Variants in NEK10 observed in about 807,000 individuals in gnomAD.
NEK10 encodes serine/threonine-protein kinase Nek10.
In NEK10, 122 loss-of-function variants were observed where a neutral mutation model predicts 159.8. That is an observed-to-expected ratio of 0.76 (90% confidence interval 0.66 to 0.89). NEK10 has a LOEUF of 0.89. Among genes scored for constraint, NEK10 ranks in the 40% least tolerant of loss-of-function variants. NEK10 has a pLI of 0.00. For missense variants in NEK10, 1,342 were observed against 1,323.1 expected (o/e 1.01, Z -0.22); for synonymous variants, 466 against 457.1 (o/e 1.02, Z -0.25).
At chr3:27,214,907 A>G in intron 23 of NEK10, 1 of 1,117,146 alleles carries the variant, frequency 9.0e-7, no homozygotes, top group East Asian at 2.4e-5. Flanking sequence ...TAATGGCCAC[A>G]TTCTTCTTTT....
At chr3:27,345,970 C>T (rs925238204) in intron 4 of NEK10, 116 bp downstream of exon 4, 21 of 392,648 alleles carry the variant, frequency 5.3e-5, no homozygotes, top group African/African-American at 2.0e-4. Flanking sequence ...AATTAAGAAT[C>T]GCTATGGTAA....
chr3:27,128,584 T>G (rs1280503292), intron 32 of NEK10, among the ~76,000 whole-genome samples: 1 of 152,180 alleles, frequency 6.6e-6, no homozygotes, highest in Non-Finnish European at 1.5e-5. Flanking sequence ...TAAACAATTT[T>G]CAATATAATA....
chr3:27,234,263 G>A (rs1382893978), intron 23 of NEK10, among the ~76,000 whole-genome samples: 1 of 148,796 alleles, frequency 6.7e-6, no homozygotes, highest in Non-Finnish European at 1.5e-5. Flanking sequence ...ATTCTGGCCA[G>A]GACAATCAAG....
At chr3:27,221,014 A>G (rs985121601) in intron 23 of NEK10, among the ~76,000 whole-genome samples, 4 of 152,226 alleles carry the variant, frequency 2.6e-5, no homozygotes, top group Non-Finnish European at 5.9e-5. Context: ...ATATGCAAAA[A>G]TTAATGCTAA....
At chr3:27,157,836 T>A (rs1018135639) in intron 30 of NEK10, among the ~76,000 whole-genome samples, 2 of 152,150 alleles carry the variant, frequency 1.3e-5, no homozygotes, top group Non-Finnish European at 2.9e-5. Flanking sequence ...CCCCAATCTT[T>A]AGCAACCACC....
chr3:27,210,789 G>A (rs1238222461), intron 23 of NEK10, among the ~76,000 whole-genome samples: 2 of 152,156 alleles, frequency 1.3e-5, no homozygotes, highest in East Asian at 3.9e-4. Context: ...TGAGGAAGGA[G>A]GAAGTTATCT....
chr3:27,277,394 G>A (rs958891740), intron 22 of NEK10, among the ~76,000 whole-genome samples: 1 of 152,094 alleles, frequency 6.6e-6, no homozygotes, highest in Admixed American at 6.6e-5. Flanking sequence ...CCTAAACTGA[G>A]TATCTGGGTC....
At chr3:27,126,162 C>T (rs1336138899) in intron 32 of NEK10, among the ~76,000 whole-genome samples, 1 of 152,072 alleles carries the variant, frequency 6.6e-6, no homozygotes, top group Non-Finnish European at 1.5e-5. Flanking sequence ...GAGCTGAAAA[C>T]CTGGAGTTAG....
intron 22 of NEK10, among the ~76,000 whole-genome samples, chr3:27,281,578 A>C (rs963898040): frequency 1.3e-5 from 2 of 152,152 alleles, no homozygotes; most frequent in African/African-American, 4.8e-5. Context: ...ATACCAGTCC[A>C]ATAAGAGGGT....
intron 23 of NEK10, among the ~76,000 whole-genome samples, chr3:27,212,166 A>C (rs1334367312): frequency 1.3e-5 from 2 of 152,260 alleles, no homozygotes; most frequent in African/African-American, 4.8e-5. Context: ...TGTTCTATCA[A>C]AACAAATTCA....
rs545805234 is a variant in NEK10 at position 27,289,395 on chromosome 3, T to C, written c.1743+1222A>G. On this transcript the variant is annotated intron_variant, in intron 19 of 35. Coordinates refer to ENST00000691995, the MANE Select transcript of NEK10 (RefSeq NM_001394966.1). The stretch of plus-strand genomic sequence containing the variant: ...CTCCTCCTTTAAGGACTCAATGTTA[T>C]CATCCTTTCCATCAGTTTGATCCTC... Among the ~76,000 whole-genome samples the C allele has an allele frequency of 3.9e-5, 6 of 152,352 alleles. No individual in the cohort carries two copies. In the South Asian group the frequency reaches 1.2e-3, roughly 32 times the overall value.
chr3:27,110,021 G>A lies in NEK10; in HGVS notation c.*1251C>T, dbSNP rs945829495. The stretch of plus-strand genomic sequence containing the variant: ...GTCTTTCAACCACTGTAAATACATT[G>A]AACTAAAATCGATTCAATCATACTA... On this transcript the variant is annotated 3_prime_UTR_variant, in exon 36 of 36. Transcript: ENST00000691995. 9.2e-5 allele frequency: 14 copies of A among 152,032 alleles called. No homozygotes were observed. The highest frequency in any genetic ancestry group is 3.4e-4 in the African/African-American group (14 of 41,406). 9.4% of individuals were successfully genotyped at this position (152,032 alleles called of 1,614,324 possible).
chr3:27,237,170 C>A (rs1954021245), intron 23 of NEK10, among the ~76,000 whole-genome samples: 3 of 152,154 alleles, frequency 2.0e-5, no homozygotes, highest in South Asian at 4.1e-4. Context: ...CGCAGGCAGT[C>A]AGACCTTTGG....
chr3:27,231,544 A>G (rs542124459), intron 23 of NEK10, among the ~76,000 whole-genome samples: 1 of 152,030 alleles, frequency 6.6e-6, no homozygotes, highest in African/African-American at 2.4e-5. Context: ...CAAAAGATAA[A>G]TGAAACAAAA....
intron 22 of NEK10, among the ~76,000 whole-genome samples, chr3:27,257,235 C>A (rs975314886): frequency 6.6e-5 from 10 of 152,168 alleles, no homozygotes; most frequent in Non-Finnish European, 1.3e-4. Context: ...AACCACTCAA[C>A]AACTTAGGTC....
chr3:27,119,381 T>C (rs73141403), intron 33 of NEK10, among the ~76,000 whole-genome samples: 18,163 of 152,198 alleles, frequency 0.12, 3,617 homozygotes, highest in African/African-American at 0.41. Context: ...GTGGATTCTT[T>C]AGGTGAGTTT....
chr3:27,178,679 T>C lies in NEK10; in HGVS notation c.2506-3846A>G, dbSNP rs535222906. On this transcript the variant is annotated intron_variant, in intron 26 of 35. Coordinates refer to ENST00000691995, the MANE Select transcript of NEK10 (RefSeq NM_001394966.1). ...GACTGCATACTATTGTAAATAAACT[T>C]AGTCCCTACATTTTAAGGTATATTT... is the stretch of plus-strand genomic sequence containing the variant. 2.0e-5 allele frequency among the ~76,000 whole-genome samples: 3 copies of C among 152,292 alleles called. No individual in the cohort carries two copies. In the East Asian group the frequency reaches 5.8e-4, roughly 29 times the overall value.
chr3:27,302,244 G>A, intron 12 of NEK10, among the ~76,000 whole-genome samples: 1 of 151,940 alleles, frequency 6.6e-6, no homozygotes, highest in East Asian at 1.9e-4. Context: ...ATTTTACTCT[G>A]TACTTCAGGG....
At chr3:27,167,787 A>G (rs2148845643) in intron 29 of NEK10, among the ~76,000 whole-genome samples, 1 of 152,356 alleles carries the variant, frequency 6.6e-6, no homozygotes, top group Non-Finnish European at 1.5e-5. Flanking sequence ...CCTTAAAAAA[A>G]GTTTTATCAA....
Sources: allele counts gnomAD v4.1 joint callset (sites outside exome capture counted in the v4.1 genomes callset), GRCh38; gene constraint gnomAD v4.1.1; transcripts MANE v1.5; gene names NCBI Gene and HGNC (gene_info 2026-07-23, HGNC 2026-07-21).